The following PTPRU variants were observed in gnomAD, a reference collection of about 807,000 sequenced individuals.
The protein encoded by PTPRU is protein tyrosine phosphatase receptor type U.
In PTPRU, 69 loss-of-function variants were observed where a neutral mutation model predicts 166.3. That is an observed-to-expected ratio of 0.41 (90% CI 0.34 to 0.51). The LOEUF (loss-of-function observed/expected upper bound fraction) is 0.51. PTPRU is among the 20% of genes least tolerant of loss of function. The probability of loss-of-function intolerance (pLI) is 0.09; values close to 1 mark genes in which losing one functional copy is unlikely to be tolerated. For missense variants in PTPRU, 1,657 were observed against 2,013.7 expected (o/e 0.82, Z 3.39); for synonymous variants, 793 against 814.0 (o/e 0.97, Z 0.44).
intron 3 of PTPRU, 74 bp from the exon 4 acceptor site, chr1:29,259,187 A>G: frequency 2.0e-6 from 3 of 1,469,150 alleles, no homozygotes; most frequent in South Asian, 2.4e-5. Context: ...GCTGAGGCCG[A>G]GCTGAAAGTG....
At chr1:29,261,653 C>G (rs554641458) in intron 7 of PTPRU, among the ~76,000 whole-genome samples, 1 of 152,280 alleles carries the variant, frequency 6.6e-6, no homozygotes, top group East Asian at 1.9e-4. Context: ...CTGCCTCAGC[C>G]TCCCGAGTAG....
chr1:29,304,171 A>G (rs891978409), intron 16 of PTPRU, 126 bp downstream of exon 16: 19 of 1,163,570 alleles, frequency 1.6e-5, no homozygotes, highest in Non-Finnish European at 2.0e-5. Flanking sequence ...ACAGTTTCCA[A>G]CTCAACCTTT....
chr1:29,317,277 G>A lies in PTPRU; in HGVS notation c.3514-471G>A, dbSNP rs955747752. ...TCAGACAGGGCCGTGACCAAGGAACGTGACCCCCTCTCCACGTGCCTGGAG... is the reference window on the plus strand; with the variant it reads ...TCAGACAGGGCCGTGACCAAGGAACATGACCCCCTCTCCACGTGCCTGGAG... On this transcript the variant is annotated intron_variant, in intron 24 of 29. Coordinates refer to ENST00000373779, the MANE Select transcript of PTPRU (RefSeq NM_133178.4). The surrounding 1 kb of genome is among the most constrained non-coding windows in gnomAD (Gnocchi z 5.6). Among the ~76,000 whole-genome samples, 2 of 152,250 alleles carry A rather than the reference G, an allele frequency of 1.3e-5. No individual in the cohort carries two copies. Among genetic ancestry groups the A allele is most frequent in the Admixed American group, 1.3e-4 (2 of 15,294 alleles).
rs139042764 is a variant in PTPRU, at chr1:29,282,720, G to T, written c.1913G>T (p.Arg638Leu). Residue 638 changes from arginine (R) to leucine (L), a missense_variant, in exon 12 of 30, where the codon CGG (arginine) becomes CTG (leucine). Physicochemically the swap from Arg to Leu is moderately radical, Grantham distance 102. Around this residue, in one of 3 missense-constraint regions of PTPRU, gnomAD observed 1,190 missense variants for 1,477.4 expected, o/e 0.81. Coordinates refer to ENST00000373779, the MANE Select transcript of PTPRU (RefSeq NM_133178.4). The part of the protein sequence containing the change: ...IVEEERARRL[R>L]REPGGQDCFP... ...GAGGAGGAGCGGGCGCGGAGGCTGC[G>T]GCGGGAGCCAGGTGGACAGGACTGC... The T allele has an allele frequency of 2.5e-5, 40 of 1,613,620 alleles. No individual in the cohort carries two copies. In the African/African-American group the frequency reaches 5.1e-4, roughly 20 times the overall value.
chr1:29,277,803 CTTTTTTTTTTTTTTTTTTTTTT>C (rs71586898), intron 8 of PTPRU, among the ~76,000 whole-genome samples: 1 of 50,564 alleles, frequency 2.0e-5, no homozygotes, highest in Non-Finnish European at 3.3e-5. Flanking sequence ...AGTTGTCATT[CTTTTTTTTTTTTTTTTTTTTTT>C]TTTTTTTTTT....
chr1:29,298,995 G>T (rs1257022599), intron 15 of PTPRU, among the ~76,000 whole-genome samples: 1 of 152,186 alleles, frequency 6.6e-6, no homozygotes, highest in African/African-American at 2.4e-5. Context: ...CTTGCTAATT[G>T]CAAACAGTGG....
In PTPRU at chr1:29,305,397, A is replaced by G. The variant is rs2235937; in HGVS notation, c.2789A>G (p.Asn930Ser). Residue 930 changes from asparagine (N) to serine (S), a missense_variant, in exon 18 of 30, where the codon AAT (asparagine) becomes AGT (serine). Asn to Ser is a conservative substitution (Grantham distance 46). Around this residue, in one of 3 missense-constraint regions of PTPRU, gnomAD observed 1,190 missense variants for 1,477.4 expected, o/e 0.81. Coordinates refer to ENST00000373779, the MANE Select transcript of PTPRU (RefSeq NM_133178.4). The stretch of plus-strand genomic sequence containing the variant: ...CTGCACCCGATGCTGGGAGACCCCA[A>G]TGCCGACTACATTAATGCCAACTAC... Reference protein sequence around the residue: ...VKLHPMLGDPNADYINANYID... With the variant: ...VKLHPMLGDPSADYINANYID... 407,221 of 1,613,394 alleles carry G rather than the reference A, an allele frequency of 0.25. 55,197 individuals carry two copies. The highest frequency in any genetic ancestry group is 0.5 in the East Asian group (22,403 of 44,864).
In PTPRU at chr1:29,325,731, A is replaced by G. The variant is rs898374958; in HGVS notation, c.*70A>G. On this transcript the variant is annotated 3_prime_UTR_variant, in exon 30 of 30. Coordinates refer to ENST00000373779, the MANE Select transcript of PTPRU (RefSeq NM_133178.4). ...CCACCATCCTGGACTGGCGAGGAAG[A>G]TCAGTGCCTCCTGCTCTGCCCAAAC... The G allele has an allele frequency of 1.4e-6, 2 of 1,441,902 alleles. No individual in the cohort carries two copies. The highest frequency in any genetic ancestry group is 2.8e-5 in the African/African-American group (2 of 70,568). The allele number at this position is 1,441,902 out of a possible 1,614,324, so 89.3% of individuals were successfully genotyped here.
intron 27 of PTPRU, 29 bp from the exon 28 acceptor site, chr1:29,323,602 C>T (rs374356707): frequency 6.2e-7 from 1 of 1,613,170 alleles, no homozygotes; most frequent in Admixed American, 1.7e-5. Context: ...GTGCTCATGT[C>T]CTCCCTGGCT....
At position 29,304,981 on chromosome 1, in the gene PTPRU, C is replaced by T. The variant is rs905598744; in HGVS notation, c.2743+132C>T. The stretch of plus-strand genomic sequence containing the variant: ...TTGGCCACCTTTTATTGAGGGCCTA[C>T]CACACGTCACGCCCTGTGCTTGTTT... On this transcript the variant is annotated intron_variant, in intron 17 of 29. Coordinates refer to ENST00000373779, the MANE Select transcript of PTPRU (RefSeq NM_133178.4). 8.1e-5 allele frequency: 58 copies of T among 714,816 alleles called. 1 individual carries two copies. In the South Asian group the frequency reaches 1.1e-3, roughly 14 times the overall value. 44.3% of individuals were successfully genotyped at this position (714,816 alleles called of 1,614,324 possible). A position where few individuals can be genotyped will look rare whatever the true frequency, so the allele number is the denominator to read the frequency against.
rs1686617097 is a variant in PTPRU at position 29,291,279 on chromosome 1, T to C, written c.2319-590T>C. Among the ~76,000 whole-genome samples the C allele has an allele frequency of 6.6e-6, 1 of 151,870 alleles. No individual in the cohort carries two copies. The highest frequency in any genetic ancestry group is 2.1e-4 in the South Asian group (1 of 4,800). On this transcript the variant is annotated intron_variant, in intron 14 of 29. Transcript: ENST00000373779. The surrounding 1 kb of genome is among the most constrained non-coding windows in gnomAD (Gnocchi z 4.1). ...GGACCATCCTAGGTGCTACTGGGAG[T>C]AGGGAGAAGCCAAGGGTGGAGTTCA... is the stretch of plus-strand genomic sequence containing the variant.
At chr1:29,267,491 G>A (rs1423539855) in intron 7 of PTPRU, among the ~76,000 whole-genome samples, 2 of 152,172 alleles carry the variant, frequency 1.3e-5, no homozygotes, top group Admixed American at 6.5e-5. Context: ...GAGATCTGAA[G>A]GAGGTGAGGG....
At chr1:29,259,370 G>T (rs763767996) in intron 4 of PTPRU, 28 bp downstream of exon 4, 2 of 1,612,246 alleles carry the variant, frequency 1.2e-6, no homozygotes, top group East Asian at 2.2e-5. Context: ...GGGGGCGCAG[G>T]GGTAAGGGGT....
intron 15 of PTPRU, among the ~76,000 whole-genome samples, chr1:29,294,374 C>T (rs1017453155): frequency 7.2e-5 from 11 of 152,156 alleles, no homozygotes; most frequent in South Asian, 4.2e-4. Context: ...TCTCTTTTTC[C>T]ATGAAATGCC....
chr1:29,252,638 A>G (rs960040692), intron 1 of PTPRU, among the ~76,000 whole-genome samples: 1 of 152,134 alleles, frequency 6.6e-6, no homozygotes, highest in African/African-American at 2.4e-5. Context: ...CTGCAGATGA[A>G]ACAGTAGAGC....
rs1040322670 is a variant in PTPRU at position 29,260,081 on chromosome 1, C to G, written c.850+37C>G. On this transcript the variant is annotated intron_variant, in intron 6 of 29. Transcript: ENST00000373779. The surrounding 1 kb of genome is among the most constrained non-coding windows in gnomAD (Gnocchi z 8.3). The stretch of plus-strand genomic sequence containing the variant: ...GACGCCGGGGAGCGCCGGGACCTCA[C>G]CCTCGAGGGGCGGGGCCGGCGACGG... 4 of 1,370,014 alleles carry G rather than the reference C, an allele frequency of 2.9e-6. No homozygotes were observed. The highest frequency in any genetic ancestry group is 3.8e-6 in the Non-Finnish European group (4 of 1,066,594). The allele number at this position is 1,370,014 out of a possible 1,614,324, so 84.9% of individuals were successfully genotyped here.
chr1:29,265,005 T>C (rs889753747), intron 7 of PTPRU, among the ~76,000 whole-genome samples: 21 of 152,250 alleles, frequency 1.4e-4, no homozygotes, highest in African/African-American at 5.1e-4. Context: ...CATTCACCTG[T>C]TGAATGACAT....
At chr1:29,305,647 G>A in intron 18 of PTPRU, 2 of 738,522 alleles carry the variant, frequency 2.7e-6, no homozygotes, top group Non-Finnish European at 5.0e-6. Flanking sequence ...CCTGAGAGAT[G>A]AGGTGCTTTA....
chr1:29,248,045 C>A (rs1039306534), intron 1 of PTPRU, among the ~76,000 whole-genome samples: 2 of 152,136 alleles, frequency 1.3e-5, no homozygotes, highest in East Asian at 3.8e-4. Context: ...CAGCTTAGGT[C>A]TAGATGAGTT....
Sources: allele counts gnomAD v4.1 joint callset (sites outside exome capture counted in the v4.1 genomes callset), GRCh38; gene constraint gnomAD v4.1.1; regional missense constraint gnomAD v4.1.1; non-coding constraint Gnocchi (gnomAD v3.1); transcripts MANE v1.5; gene names NCBI Gene and HGNC (gene_info 2026-07-23, HGNC 2026-07-21).